THSD1: variants seen among roughly 807,000 people sequenced by gnomAD.
THSD1 encodes thrombospondin type-1 domain-containing protein 1.
THSD1 carries 34 observed loss-of-function variants against 46.3 expected under a neutral mutation model. The observed-to-expected ratio is 0.74, with a 90% CI of 0.56 to 0.98. The LOEUF is 0.98. Ranked by LOEUF, THSD1 falls within the 50% of genes least tolerant of loss-of-function variation. THSD1 has a pLI of 0.00. For synonymous variants in THSD1, 407 were observed against 416.5 expected (o/e 0.98, Z 0.28); for missense variants, 1,023 against 1,058.3 (o/e 0.97, Z 0.46).
At chr13:52,383,378 G>A (rs1594097588) in intron 4 of THSD1, among the ~76,000 whole-genome samples, 1 of 152,194 alleles carries the variant, frequency 6.6e-6, no homozygotes, top group Admixed American at 6.5e-5. Context: ...ACCATATAAT[G>A]TAGAACTACA....
At position 52,378,266 on chromosome 13, in the gene THSD1, G is replaced by T. The variant is rs748991369; in HGVS notation, c.1704C>A (p.Pro568=). 9 of 1,614,088 alleles carry T rather than the reference G, an allele frequency of 5.6e-6. No individual in the cohort carries two copies. The highest frequency in any genetic ancestry group is 7.6e-6 in the Non-Finnish European group (9 of 1,180,058). Residue 568 remains proline (P), a synonymous_variant, in exon 5 of 5, where the codon CCC becomes CCA. Transcript: ENST00000258613. ...PLTDTAIDAA[P]SAPLDLESPE... Reference sequence around the variant, plus strand: ...GGCTTTCCAAATCTAAGGGAGCGCTGGGGGCCGCATCAATGGCAGTGTCTG... The same window carrying T: ...GGCTTTCCAAATCTAAGGGAGCGCTTGGGGCCGCATCAATGGCAGTGTCTG...
intron 3 of THSD1, 84 bp downstream of exon 3, chr13:52,397,143 ACAATT>A: frequency 8.6e-7 from 1 of 1,160,766 alleles, no homozygotes; most frequent in Non-Finnish European, 1.2e-6. Context: ...AAATGATGGT[ACAATT>A]CACCTAAATT....
chr13:52,387,131 G>T (rs143654492), intron 3 of THSD1, among the ~76,000 whole-genome samples: 1,783 of 152,276 alleles, frequency 0.012, 42 homozygotes, highest in African/African-American at 0.041. Context: ...AAAGATGAAA[G>T]CCTCTCTGAT....
At chr13:52,384,267 G>A (rs986071926) in intron 4 of THSD1, 6 of 358,376 alleles carry the variant, frequency 1.7e-5, no homozygotes, top group Non-Finnish European at 3.4e-5. Flanking sequence ...TTAATTCCAG[G>A]TTGTTGATAC....
chr13:52,384,165 C>T, intron 4 of THSD1: 2 of 275,072 alleles, frequency 7.3e-6, no homozygotes, highest in Non-Finnish European at 6.7e-6. Flanking sequence ...GCCTGGGCAA[C>T]AAGAGCGAAA....
At chr13:52,403,938 A>ATTTTTTTTTTTTTT in intron 1 of THSD1, among the ~76,000 whole-genome samples, 1 of 63,920 alleles carries the variant, frequency 1.6e-5, no homozygotes, top group East Asian at 6.6e-4. Flanking sequence ...CATTATTCAC[A>ATTTTTTTTTTTTTT]TTTTTTTTTT....
chr13:52,383,331 CA>C (rs1942383588), intron 4 of THSD1, among the ~76,000 whole-genome samples: 2 of 152,204 alleles, frequency 1.3e-5, no homozygotes, highest in Admixed American at 1.3e-4. Flanking sequence ...AGTGCAACAG[CA>C]ATTTAATTAT....
chr13:52,395,784 ATT>A (rs1957805837), intron 3 of THSD1, among the ~76,000 whole-genome samples: 1 of 152,138 alleles, frequency 6.6e-6, no homozygotes, highest in Non-Finnish European at 1.5e-5. Flanking sequence ...CCTGTACCTC[ATT>A]TGTTGTGTAG....
chr13:52,378,416 G>A lies in THSD1; in HGVS notation c.1554C>T (p.Ser518=). The A allele has an allele frequency of 6.2e-7, 1 of 1,614,136 alleles. No individual in the cohort carries two copies. The highest frequency in any genetic ancestry group is 8.5e-7 in the Non-Finnish European group (1 of 1,180,048). ...GAGGTGGGATTATCTTCTGGGCGTTGGACTGGAAGCTCTCGCTGCCAGAGG... is the reference window on the plus strand; with the variant it reads ...GAGGTGGGATTATCTTCTGGGCGTTAGACTGGAAGCTCTCGCTGCCAGAGG... ...DDASGSESFQ[S]NAQKIIPPLF... is the part of the protein sequence containing the mutation. The change falls in exon 5 of 5, where the codon TCC becomes TCT. Residue 518 remains serine, a synonymous_variant. Coordinates refer to ENST00000258613, the MANE Select transcript of THSD1 (RefSeq NM_018676.4).
intron 4 of THSD1, among the ~76,000 whole-genome samples, chr13:52,383,000 CA>C (rs540839249): frequency 0.064 from 8,882 of 139,670 alleles, 291 homozygotes; most frequent in African/African-American, 0.097. Flanking sequence ...GACTCTGTCT[CA>C]AAAAAAAAAA....
At chr13:52,382,143 T>C (rs908877385) in intron 4 of THSD1, among the ~76,000 whole-genome samples, 13 of 152,192 alleles carry the variant, frequency 8.5e-5, no homozygotes, top group African/African-American at 3.1e-4. Context: ...ACTATCTCCA[T>C]TGGCTGTCCC....
At position 52,378,195 on chromosome 13, in the gene THSD1, G is replaced by A. The variant is rs1957654841; in HGVS notation, c.1775C>T (p.Pro592Leu). The part of the protein sequence containing the change: ...ANKFRIKSPF[P>L]EQPAVSAGER... Reference sequence around the variant, plus strand: ...CCCGGCACTGACCGCGGGCTGCTCCGGAAATGGGGATTTGATCCGGAACTT... The same window carrying A: ...CCCGGCACTGACCGCGGGCTGCTCCAGAAATGGGGATTTGATCCGGAACTT... The change falls in exon 5 of 5, where the codon CCG becomes CTG. Residue 592 changes from proline to leucine, a missense_variant. Pro to Leu is a moderately conservative substitution (Grantham distance 98). Around this residue, in one of 3 missense-constraint regions of THSD1, gnomAD observed 578 missense variants for 497.4 expected, o/e 1.16. Transcript: ENST00000258613. The A allele has an allele frequency of 6.2e-7, 1 of 1,614,180 alleles. No individual in the cohort carries two copies. The highest frequency in any genetic ancestry group is 8.5e-7 in the Non-Finnish European group (1 of 1,180,046).
chr13:52,398,215 T>C (rs1467021852), intron 2 of THSD1, 21 bp from the exon 3 acceptor site: 6 of 1,589,720 alleles, frequency 3.8e-6, no homozygotes, highest in Non-Finnish European at 5.1e-6. Context: ...GTGGTCAGAA[T>C]TGGTTTTTAA....
intron 3 of THSD1, among the ~76,000 whole-genome samples, chr13:52,393,756 G>A (rs1176334940): frequency 6.6e-6 from 1 of 152,166 alleles, no homozygotes; most frequent in Non-Finnish European, 1.5e-5. Context: ...ACAAGTTATG[G>A]TGAGTCCCTA....
At chr13:52,384,165 C>G (rs950182658) in intron 4 of THSD1, 42 of 275,112 alleles carry the variant, frequency 1.5e-4, no homozygotes, top group Non-Finnish European at 2.2e-4. Flanking sequence ...GCCTGGGCAA[C>G]AAGAGCGAAA....
At chr13:52,392,893 TC>T (rs1957783665) in intron 3 of THSD1, among the ~76,000 whole-genome samples, 1 of 152,164 alleles carries the variant, frequency 6.6e-6, no homozygotes, top group South Asian at 2.1e-4. Context: ...ATTGAACAAA[TC>T]ATACTTATGC....
Position 52,377,953 on chromosome 13 carries a change from G to A in THSD1, c.2017C>T (p.Leu673=). 6.2e-7 allele frequency: 1 copy of A among 1,614,192 alleles called. No homozygotes were observed. The highest frequency in any genetic ancestry group is 1.1e-5 in the South Asian group (1 of 91,084). Residue 673 remains leucine, a synonymous_variant, in exon 5 of 5, where the codon CTG becomes TTG. Coordinates refer to ENST00000258613, the MANE Select transcript of THSD1 (RefSeq NM_018676.4). ...TAGGCAGGGGCCTGCCGTGGAGTCAGAGTGGACATGCTCCTCTCTCGGAAC... is the reference window on the plus strand; with the variant it reads ...TAGGCAGGGGCCTGCCGTGGAGTCAAAGTGGACATGCTCCTCTCTCGGAAC... ...RPFRERSMST[L]TPRQAPAYSS...
At position 52,377,814 on chromosome 13, in the gene THSD1, C is replaced by T. The variant is rs2137719763; in HGVS notation, c.2156G>A (p.Arg719His). 3 of 1,614,160 alleles carry T rather than the reference C, an allele frequency of 1.9e-6. No individual in the cohort carries two copies. The highest frequency in any genetic ancestry group is 1.1e-5 in the South Asian group (1 of 91,074). The change falls in exon 5 of 5, where the codon CGT becomes CAT. Residue 719 changes from arginine (R) to histidine (H), a missense_variant. Coordinates refer to ENST00000258613, the MANE Select transcript of THSD1 (RefSeq NM_018676.4). ...TTTAGGGAGAGGGTTTAATGGACCA[C>T]GGGTTCCACTTGCCTCTTGGAAATG... ...LEHFQEASGT[R>H]GPLNPLPKSY...
intron 2 of THSD1, among the ~76,000 whole-genome samples, chr13:52,400,547 G>A (rs536129700): frequency 1.3e-5 from 2 of 152,172 alleles, no homozygotes; most frequent in African/African-American, 4.8e-5. Flanking sequence ...GCAGTAAGCC[G>A]AGATTGCACC....
Sources: allele counts gnomAD v4.1 joint callset (sites outside exome capture counted in the v4.1 genomes callset), GRCh38; gene constraint gnomAD v4.1.1; regional missense constraint gnomAD v4.1.1; transcripts MANE v1.5; gene names NCBI Gene and HGNC (gene_info 2026-07-23, HGNC 2026-07-21).